TADA2A: variants seen among roughly 807,000 people sequenced by gnomAD.
TADA2A encodes transcriptional adaptor 2A, also known as transcriptional adapter 2-alpha.
In TADA2A, 38 loss-of-function variants were observed where a neutral mutation model predicts 67.4. The ratio of observed to expected loss-of-function variants is 0.56; its 90% CI spans 0.44 to 0.74. The LOEUF (loss-of-function observed/expected upper bound fraction) is 0.74, where lower values mean the gene tolerates loss of function less well. Among genes scored for constraint, TADA2A ranks in the 30% least tolerant of loss-of-function variants. TADA2A has a pLI of 0.00. For synonymous variants in TADA2A, 192 were observed against 181.6 expected (o/e 1.06, Z -0.46); for missense variants, 454 against 547.0 (o/e 0.83, Z 1.70).
chr17:37,412,322 A>G, intron 2 of TADA2A, among the ~76,000 whole-genome samples: 1 of 152,160 alleles, frequency 6.6e-6, no homozygotes, highest in Non-Finnish European at 1.5e-5. Context: ...TAGACCAATA[A>G]CATGTTTCAG....
At chr17:37,423,752 CTTT>C (rs10706906) in intron 3 of TADA2A, 137 bp downstream of exon 3, 3,693 of 473,400 alleles carry the variant, frequency 7.8e-3, no homozygotes, top group South Asian at 0.016. Flanking sequence ...CTTTTTCTTT[CTTT>C]TTTTTTTTTT....
chr17:37,458,381 G>A (rs570568018), intron 8 of TADA2A, 143 bp from the exon 9 acceptor site: 4 of 379,382 alleles, frequency 1.1e-5, no homozygotes, highest in Non-Finnish European at 1.8e-5. Context: ...ATATTTTTAT[G>A]TTTTCTAGAC....
intron 4 of TADA2A, among the ~76,000 whole-genome samples, chr17:37,432,064 A>T (rs751965963): frequency 7.3e-5 from 11 of 151,480 alleles, no homozygotes; most frequent in Non-Finnish European, 1.3e-4. Context: ...TTTTTTTATC[A>T]GCGTAGATTG....
intron 5 of TADA2A, among the ~76,000 whole-genome samples, chr17:37,438,726 G>T (rs1182779241): frequency 1.3e-5 from 2 of 152,192 alleles, no homozygotes; most frequent in Non-Finnish European, 2.9e-5. Context: ...ACCAAAGGAG[G>T]TAGAAAAGTA....
intron 15 of TADA2A, among the ~76,000 whole-genome samples, chr17:37,475,997 T>A (rs1175423674): frequency 6.6e-6 from 1 of 152,218 alleles, no homozygotes; most frequent in East Asian, 1.9e-4. Flanking sequence ...TCCCACCATA[T>A]ATCATTAGTT....
In TADA2A at chr17:37,477,441, T is replaced by A. The variant is rs1000706041; in HGVS notation, c.*459T>A. On this transcript the variant is annotated 3_prime_UTR_variant, in exon 16 of 16. Transcript: ENST00000615182. ...GTTTTAGAGCATAAGAAAGCTCTCG[T>A]TGAAGGATTTTTTAAGCTGACAACT... The A allele has an allele frequency of 6.5e-6, 1 of 153,376 alleles. No individual in the cohort carries two copies. The highest frequency in any genetic ancestry group is 2.4e-5 in the African/African-American group (1 of 41,476). The allele number at this position is 153,376 out of a possible 1,614,324, so 9.5% of individuals were successfully genotyped here.
chr17:37,411,899 A>G (rs2051885374), intron 2 of TADA2A, among the ~76,000 whole-genome samples: 1 of 151,804 alleles, frequency 6.6e-6, no homozygotes, highest in Admixed American at 6.6e-5. Flanking sequence ...ACACAAACAT[A>G]TGACCCTGGG....
chr17:37,415,955 A>G (rs980790990), intron 2 of TADA2A, among the ~76,000 whole-genome samples: 1 of 150,940 alleles, frequency 6.6e-6, no homozygotes, highest in Non-Finnish European at 1.5e-5. Context: ...TGCCAATCTG[A>G]TGGGTGAGAA....
chr17:37,451,864 A>G (rs938258274), intron 8 of TADA2A, among the ~76,000 whole-genome samples: 20 of 152,140 alleles, frequency 1.3e-4, no homozygotes, highest in African/African-American at 4.8e-4. Context: ...GGCACCTGTA[A>G]TCCCAGCTAC....
At chr17:37,418,253 ATGTC>A (rs1388685047) in intron 2 of TADA2A, among the ~76,000 whole-genome samples, 19 of 152,218 alleles carry the variant, frequency 1.2e-4, no homozygotes, top group Non-Finnish European at 1.9e-4. Flanking sequence ...ATTCACTTGA[ATGTC>A]TGGTGGGACA....
intron 10 of TADA2A, among the ~76,000 whole-genome samples, chr17:37,465,134 C>G (rs2053635953): frequency 6.7e-6 from 1 of 150,226 alleles, no homozygotes; most frequent in South Asian, 2.1e-4. Context: ...GGAGACAGAG[C>G]GAGACTCCAT....
At chr17:37,418,945 G>A (rs1281764104) in intron 2 of TADA2A, among the ~76,000 whole-genome samples, 1 of 144,058 alleles carries the variant, frequency 6.9e-6, no homozygotes, top group African/African-American at 2.5e-5. Flanking sequence ...TGCCCAGGGT[G>A]GTCTTGACTT....
In TADA2A at chr17:37,477,161, A is replaced by T; in HGVS notation, c.*179A>T. The T allele has an allele frequency of 1.7e-6, 1 of 599,034 alleles. No individual in the cohort carries two copies. The highest frequency in any genetic ancestry group is 2.8e-5 in the East Asian group (1 of 35,144). 37.1% of individuals were successfully genotyped at this position (599,034 alleles called of 1,614,324 possible). A position where few individuals can be genotyped will look rare whatever the true frequency, so the allele number is the denominator to read the frequency against. Reference sequence around the variant, plus strand: ...TTTCTTCTCCATCCTGCTTTAAAACACTCCTGTTGTTGGTATTATGCTGCA... The same window carrying T: ...TTTCTTCTCCATCCTGCTTTAAAACTCTCCTGTTGTTGGTATTATGCTGCA... On this transcript the variant is annotated 3_prime_UTR_variant, in exon 16 of 16. Coordinates refer to ENST00000615182, the MANE Select transcript of TADA2A (RefSeq NM_001166105.3).
chr17:37,455,314 T>TA lies in TADA2A; in HGVS notation c.605-3194dup, dbSNP rs35483722. 5.3e-3 allele frequency among the ~76,000 whole-genome samples: 730 copies of TA among 138,914 alleles called. 2 individuals carry two copies. Among genetic ancestry groups the TA allele is most frequent in the African/African-American group, 0.015 (571 of 38,076 alleles). 91.1% of individuals were successfully genotyped at this position (138,914 alleles called of 152,430 possible). On this transcript the variant is annotated intron_variant, in intron 8 of 15. Coordinates refer to ENST00000615182, the MANE Select transcript of TADA2A (RefSeq NM_001166105.3). ...TTAACCCTAGAGGTCTTCTGGTTAT[T>TA]AAAAAAAAAAAAAAAACCTGTGGGA...
Position 37,464,356 on chromosome 17 carries a change from T to C in TADA2A, c.713-1075T>C, listed in dbSNP as rs147233596. Among the ~76,000 whole-genome samples the C allele has an allele frequency of 1.6e-4, 25 of 152,306 alleles. No homozygotes were observed. In the East Asian group the frequency reaches 4.8e-3, roughly 29 times the overall value. On this transcript the variant is annotated intron_variant, in intron 10 of 15. Coordinates refer to ENST00000615182, the MANE Select transcript of TADA2A (RefSeq NM_001166105.3). ...TGCTTGAGGATGTGTAGGTGGGACA[T>C]GCAAGAAATCACACTTTTTCTCAGC... is the stretch of plus-strand genomic sequence containing the variant.
intron 2 of TADA2A, among the ~76,000 whole-genome samples, chr17:37,414,668 C>T (rs2051985361): frequency 6.6e-6 from 1 of 152,034 alleles, no homozygotes; most frequent in Non-Finnish European, 1.5e-5. Flanking sequence ...ACATTGATAC[C>T]TCTAATTCAT....
At chr17:37,433,650 C>G (rs2052636160) in intron 4 of TADA2A, among the ~76,000 whole-genome samples, 1 of 151,728 alleles carries the variant, frequency 6.6e-6, no homozygotes. Context: ...CCCACAAGAC[C>G]CCGTCTCAAA....
At chr17:37,452,103 T>C (rs555232524) in intron 8 of TADA2A, among the ~76,000 whole-genome samples, 1 of 152,272 alleles carries the variant, frequency 6.6e-6, no homozygotes, top group Non-Finnish European at 1.5e-5. Flanking sequence ...AGATAAGGCT[T>C]ATAAAGATCT....
chr17:37,454,646 G>A (rs543300594), intron 8 of TADA2A: 37 of 249,928 alleles, frequency 1.5e-4, no homozygotes, highest in Admixed American at 1.0e-3. Flanking sequence ...CTCTACAGAA[G>A]AAAGCATAAA....
Sources: gnomAD v4.1 joint callset for allele counts (sites outside exome capture counted in the v4.1 genomes callset) on GRCh38, gnomAD v4.1.1 for gene constraint, MANE v1.5 for transcripts, NCBI Gene and HGNC (gene_info 2026-07-23, HGNC 2026-07-21) for gene names.